The following MKRN2OS variants were observed in gnomAD, a reference collection of about 807,000 sequenced individuals.
MKRN2OS encodes the protein MKRN2 opposite strand protein.
In MKRN2OS, 17 loss-of-function variants were observed where a neutral mutation model predicts 18.2. The ratio of observed to expected loss-of-function variants is 0.93; its 90% confidence interval spans 0.64 to 1.40. MKRN2OS has a LOEUF of 1.40. Ranked by LOEUF, MKRN2OS falls within the 40% of genes most tolerant of loss-of-function variation. The pLI is 0.00. For missense variants in MKRN2OS, 337 were observed against 283.0 expected (o/e 1.19, Z -1.37); for synonymous variants, 121 against 108.5 (o/e 1.12, Z -0.72).
upstream of MKRN2OS, among the ~76,000 whole-genome samples, chr3:12,548,075 C>T (rs1488799105): frequency 6.6e-6 from 1 of 152,054 alleles, no homozygotes; most frequent in African/African-American, 2.4e-5. Context: ...TTTGGGAGGC[C>T]AAGGCAGGTT....
upstream of MKRN2OS, among the ~76,000 whole-genome samples, chr3:12,546,234 A>G (rs1245200609): frequency 6.6e-6 from 1 of 152,144 alleles, no homozygotes; most frequent in Non-Finnish European, 1.5e-5. Context: ...AGGCTATTTT[A>G]TTTTGACATT....
chr3:12,553,290 A>G (rs748305280), downstream of MKRN2OS, among the ~76,000 whole-genome samples: 1 of 152,196 alleles, frequency 6.6e-6, no homozygotes, highest in Non-Finnish European at 1.5e-5. Flanking sequence ...ATTTTAACAA[A>G]TAGATGATTT....
intron 3 of MKRN2OS, among the ~76,000 whole-genome samples, 172 bp from the exon 4 acceptor site, chr3:12,540,605 G>A (rs1042217231): frequency 6.6e-6 from 1 of 152,056 alleles, no homozygotes; most frequent in Non-Finnish European, 1.5e-5. Context: ...CGGGTGCGGT[G>A]GCTCACACCT....
chr3:12,545,303 A>G lies in MKRN2OS; in HGVS notation c.162T>C (p.Asn54=), dbSNP rs1266051543. 3.3e-6 allele frequency: 5 copies of G among 1,536,012 alleles called. No individual in the cohort carries two copies. Among genetic ancestry groups the G allele is most frequent in the Admixed American group, 2.0e-5 (1 of 50,984 alleles). ...APVSIANPFT[N]GHQEKCSFLL... ...GGAATGAACATTTTTCTTGATGTCC[A>G]TTAGTAAATGGATTAGCGATGCTAA... Residue 54 remains asparagine (N), a synonymous_variant, in exon 1 of 4, where the codon AAT becomes AAC. Transcript: ENST00000564146.
intron 1 of MKRN2OS, among the ~76,000 whole-genome samples, chr3:12,557,643 A>T (rs1338228820): frequency 6.6e-6 from 1 of 152,282 alleles, no homozygotes; most frequent in African/African-American, 2.4e-5. Flanking sequence ...CTAAACTTGC[A>T]GAGAGTTAAC....
intron 1 of MKRN2OS, 109 bp downstream of exon 1, chr3:12,545,138 A>G (rs895277219): frequency 8.0e-6 from 7 of 869,878 alleles, no homozygotes; most frequent in South Asian, 1.9e-5. Flanking sequence ...CACCGAAAAA[A>G]TTGTCCACCA....
In MKRN2OS at chr3:12,558,510, C is replaced by T. The variant is rs113712613; in HGVS notation, n.264+2247G>A. Among the ~76,000 whole-genome samples, 1,200 of 152,294 alleles carry T rather than the reference C, an allele frequency of 7.9e-3. 16 individuals carry two copies. Among genetic ancestry groups the T allele is most frequent in the African/African-American group, 0.028 (1,144 of 41,540 alleles). ...TCTACCATTTATTCCCGTACCTCAT[C>T]TAAGAAGTGTCCACAAAACAGTACA... On this transcript the variant is annotated intron_variant and non_coding_transcript_variant, in intron 1 of 1. Transcript: ENST00000447550.
chr3:12,553,412 A>G (rs865843161), downstream of MKRN2OS, among the ~76,000 whole-genome samples: 1 of 152,262 alleles, frequency 6.6e-6, no homozygotes, highest in South Asian at 2.1e-4. Flanking sequence ...GGGAAAAACA[A>G]TATAGGTTTC....
chr3:12,555,125 C>A (rs1024496869), intron 1 of MKRN2OS, among the ~76,000 whole-genome samples: 1 of 152,118 alleles, frequency 6.6e-6, no homozygotes, highest in African/African-American at 2.4e-5. Flanking sequence ...GCCTGGGCAA[C>A]AGGGTGAAAC....
At chr3:12,555,761 C>A (rs1263974681) in intron 1 of MKRN2OS, among the ~76,000 whole-genome samples, 1 of 152,196 alleles carries the variant, frequency 6.6e-6, no homozygotes, top group Non-Finnish European at 1.5e-5. Flanking sequence ...CCCCACCCAC[C>A]CCCTGCAGCC....
At chr3:12,556,965 G>A (rs1035937067) in intron 1 of MKRN2OS, 44 of 547,906 alleles carry the variant, frequency 8.0e-5, no homozygotes, top group Non-Finnish European at 1.2e-4. Flanking sequence ...CCCCGGTGCG[G>A]AACCAATTGT....
intron 1 of MKRN2OS, among the ~76,000 whole-genome samples, chr3:12,544,390 A>G (rs1326789749): frequency 6.6e-6 from 1 of 151,994 alleles, no homozygotes; most frequent in Admixed American, 6.6e-5. Flanking sequence ...TAAAATATAA[A>G]CCTGGCGGGG....
downstream of MKRN2OS, among the ~76,000 whole-genome samples, chr3:12,551,681 A>G (rs902387352): frequency 1.3e-5 from 2 of 152,158 alleles, no homozygotes; most frequent in Non-Finnish European, 2.9e-5. Context: ...CACACCTGTA[A>G]TCCCAGCACT....
At chr3:12,545,025 ATATATT>A (rs2057866522) in intron 1 of MKRN2OS, among the ~76,000 whole-genome samples, 1 of 132,652 alleles carries the variant, frequency 7.5e-6, no homozygotes, top group Non-Finnish European at 1.7e-5. Context: ...TTTACTCTTC[ATATATT>A]CCACATATAT....
At chr3:12,550,134 T>C (rs1055504467), upstream of MKRN2OS, among the ~76,000 whole-genome samples, 6 of 152,198 alleles carry the variant, frequency 3.9e-5, no homozygotes, top group Non-Finnish European at 7.3e-5. Flanking sequence ...CACAAAAACC[T>C]GCACATAGAC....
At chr3:12,553,369 A>G (rs2125295091), downstream of MKRN2OS, among the ~76,000 whole-genome samples, 1 of 152,290 alleles carries the variant, frequency 6.6e-6, no homozygotes, top group Middle Eastern at 3.4e-3. Context: ...TTAAAAATCA[A>G]TCAGTATAAT....
chr3:12,540,647 G>C, intron 3 of MKRN2OS, among the ~76,000 whole-genome samples: 1 of 152,212 alleles, frequency 6.6e-6, no homozygotes, highest in Non-Finnish European at 1.5e-5. Flanking sequence ...GCGAGGGTGG[G>C]AGGATCACTT....
At chr3:12,559,712 G>A (rs1436406773) in intron 1 of MKRN2OS, among the ~76,000 whole-genome samples, 1 of 152,066 alleles carries the variant, frequency 6.6e-6, no homozygotes, top group African/African-American at 2.4e-5. Flanking sequence ...TTGACATGCC[G>A]CTCTATCCAG....
exon 2 of MKRN2OS, chr3:12,553,769 ATAAC>A (rs1279245084): frequency 6.6e-6 from 1 of 152,232 alleles, no homozygotes; most frequent in East Asian, 1.9e-4. Flanking sequence ...TAGAAAATCG[ATAAC>A]TAACTACAAA....
Sources: allele counts gnomAD v4.1 joint callset (sites outside exome capture counted in the v4.1 genomes callset), GRCh38; gene constraint gnomAD v4.1.1; transcripts MANE v1.5; gene names NCBI Gene and HGNC (gene_info 2026-07-23, HGNC 2026-07-21).